ZNF708: variants seen among roughly 807,000 people sequenced by gnomAD.
The protein encoded by ZNF708 is ZNF15, ZNF15L1.
A neutral mutation model predicts 47.0 loss-of-function variants in ZNF708; 44 were observed. The observed-to-expected ratio is 0.94, with a 90% CI of 0.74 to 1.20. ZNF708 has a LOEUF of 1.20. ZNF708 is among the 50% of genes most tolerant of loss of function. The probability of loss-of-function intolerance (pLI) is 0.00; values close to 1 mark genes in which losing one functional copy is unlikely to be tolerated. For synonymous variants in ZNF708, 184 were observed against 218.5 expected (o/e 0.84, Z 1.39); for missense variants, 557 against 656.0 (o/e 0.85, Z 1.65).
At chr19:21,296,190 A>G (rs1292159618) in intron 3 of ZNF708, among the ~76,000 whole-genome samples, 1 of 151,970 alleles carries the variant, frequency 6.6e-6, no homozygotes, top group Admixed American at 6.6e-5. Flanking sequence ...AAAATCTGTC[A>G]AGTGAAAATA....
intron 1 of ZNF708, chr19:21,328,185 T>TA (rs72487226): frequency 0.018 from 2,732 of 152,200 alleles, 42 homozygotes; most frequent in African/African-American, 0.045. Context: ...CTGAGGAAGA[T>TA]AAAAAAAAAA....
chr19:21,304,245 G>A (rs1260373613), intron 3 of ZNF708, among the ~76,000 whole-genome samples: 6 of 151,610 alleles, frequency 4.0e-5, no homozygotes, highest in Non-Finnish European at 7.4e-5. Context: ...TAAGTGTGAG[G>A]TGAAGAAGCC....
intron 3 of ZNF708, among the ~76,000 whole-genome samples, chr19:21,298,204 G>A (rs1056098753): frequency 6.6e-6 from 1 of 151,562 alleles, no homozygotes; most frequent in African/African-American, 2.4e-5. Flanking sequence ...GGTATAGAGA[G>A]CTGAACATCA....
chr19:21,319,604 C>A (rs2145182477), intron 1 of ZNF708, among the ~76,000 whole-genome samples: 1 of 152,168 alleles, frequency 6.6e-6, no homozygotes, highest in Non-Finnish European at 1.5e-5. Context: ...GTATGAGCCA[C>A]CACGCCCAGC....
chr19:21,297,693 A>T (rs1429641662), intron 3 of ZNF708, among the ~76,000 whole-genome samples: 2 of 151,718 alleles, frequency 1.3e-5, no homozygotes, highest in Non-Finnish European at 2.9e-5. Flanking sequence ...GATTTATTAA[A>T]ATCTTTCAAA....
At chr19:21,321,290 G>T (rs974618562) in intron 1 of ZNF708, among the ~76,000 whole-genome samples, 2 of 151,726 alleles carry the variant, frequency 1.3e-5, no homozygotes, top group Non-Finnish European at 2.9e-5. Context: ...AGGGTGGAAG[G>T]TGGAAAAACA....
intron 1 of ZNF708, among the ~76,000 whole-genome samples, chr19:21,323,266 AT>A (rs967699357): frequency 7.2e-5 from 11 of 152,208 alleles, no homozygotes; most frequent in Non-Finnish European, 1.2e-4. Context: ...GACTCTGCAC[AT>A]TTTTTTTCTT....
In ZNF708 at chr19:21,294,301, T is replaced by A; in HGVS notation, c.665A>T (p.Lys222Ile). The change falls in exon 4 of 4, where the codon AAA becomes ATA. Residue 222 changes from lysine (K) to isoleucine (I), a missense_variant. By Grantham distance (102) the Lys-to-Ile change is moderately radical. Transcript: ENST00000356929. The part of the protein sequence containing the change: ...TNHKIIHTGE[K>I]PYKCEECGKA... ...TCCACATTCTTCACATTTGTAGGGT[T>A]TCTCTCCAGTATGAATTATCTTATG... is the stretch of plus-strand genomic sequence containing the variant. 6.2e-7 allele frequency: 1 copy of A among 1,613,196 alleles called. No individual in the cohort carries two copies. Among genetic ancestry groups the A allele is most frequent in the Non-Finnish European group, 8.5e-7 (1 of 1,179,844 alleles).
intron 3 of ZNF708, among the ~76,000 whole-genome samples, chr19:21,304,700 C>T (rs902640580): frequency 1.3e-5 from 2 of 152,008 alleles, no homozygotes; most frequent in Non-Finnish European, 2.9e-5. Flanking sequence ...CATAGTGAGA[C>T]CCTGTCGCTA....
intron 3 of ZNF708, among the ~76,000 whole-genome samples, chr19:21,305,651 C>T (rs1226892069): frequency 4.0e-5 from 6 of 151,586 alleles, no homozygotes; most frequent in East Asian, 1.9e-4. Flanking sequence ...TTAGTAGAGA[C>T]GGGATTTCAC....
At chr19:21,307,309 T>A (rs1207380075) in intron 3 of ZNF708, among the ~76,000 whole-genome samples, 1 of 151,980 alleles carries the variant, frequency 6.6e-6, no homozygotes, top group African/African-American at 2.4e-5. Context: ...CCAGAGGGCA[T>A]CCCAGAACCC....
rs1018389931 is a variant in ZNF708, at chr19:21,298,901, A to G, written c.227-4162T>C. On this transcript the variant is annotated intron_variant, in intron 3 of 3. Coordinates refer to ENST00000356929, the MANE Select transcript of ZNF708 (RefSeq NM_021269.3). ...CAGTTTGCAAACAGCAGAAAATATT[A>G]TAACAACTATAAAGATAAATCTTAA... 2.6e-5 allele frequency among the ~76,000 whole-genome samples: 4 copies of G among 152,350 alleles called. No homozygotes were observed. In the East Asian group the frequency reaches 7.7e-4, roughly 29 times the overall value.
chr19:21,296,950 T>C (rs530408055), intron 3 of ZNF708, among the ~76,000 whole-genome samples: 6 of 151,602 alleles, frequency 4.0e-5, no homozygotes, highest in African/African-American at 1.2e-4. Flanking sequence ...CTGGCCAACA[T>C]GGTGAAACCC....
Position 21,294,653 on chromosome 19 carries a change from T to C in ZNF708, c.313A>G (p.Lys105Glu). The change falls in exon 4 of 4, where the codon AAA (lysine) becomes GAA (glutamate). Residue 105 changes from lysine (K) to glutamate (E), a missense_variant. Coordinates refer to ENST00000356929, the MANE Select transcript of ZNF708 (RefSeq NM_021269.3). ...TTACAGCCTTTCTGATATCCACATTTTCCATATCTTCTCAGTATCACTTGT... is the reference window on the plus strand; with the variant it reads ...TTACAGCCTTTCTGATATCCACATTCTCCATATCTTCTCAGTATCACTTGT... ...FQQVILRRYG[K>E]CGYQKGCKSV... is the part of the protein sequence containing the mutation. 1 of 1,614,124 alleles carries C rather than the reference T, an allele frequency of 6.2e-7. No homozygotes were observed. Among genetic ancestry groups the C allele is most frequent in the East Asian group, 2.2e-5 (1 of 44,864 alleles).
chr19:21,306,986 AAC>A lies in ZNF708; in HGVS notation c.226+2258_226+2259del, dbSNP rs1972780590. The A allele has an allele frequency of 2.7e-5, 4 of 149,618 alleles. No homozygotes were observed. The South Asian group carries it at 8.4e-4, about 31-fold the overall frequency. 9.3% of individuals were successfully genotyped at this position (149,618 alleles called of 1,614,324 possible). A position where few individuals can be genotyped will look rare whatever the true frequency, so the allele number is the denominator to read the frequency against. ...AACATAACATAACATAACATAACATAACATAACATAACATAACATAACATAAA... is the reference window on the plus strand; with the variant it reads ...AACATAACATAACATAACATAACATAATAACATAACATAACATAACATAAA... On this transcript the variant is annotated intron_variant, in intron 3 of 3. Transcript: ENST00000356929.
At chr19:21,310,399 T>G in intron 2 of ZNF708, 102 bp downstream of exon 2, 1 of 455,024 alleles carries the variant, frequency 2.2e-6, no homozygotes, top group Non-Finnish European at 3.1e-6. Context: ...GAGCCAAGAT[T>G]GCGCCACTGC....
chr19:21,327,973 C>A (rs1372501889), intron 1 of ZNF708: 7 of 1,022,680 alleles, frequency 6.8e-6, no homozygotes, highest in Non-Finnish European at 8.2e-6. Flanking sequence ...AGGTTGTCCT[C>A]AGGGAGAAAA....
At chr19:21,296,291 A>G (rs1346070098) in intron 3 of ZNF708, among the ~76,000 whole-genome samples, 1 of 152,092 alleles carries the variant, frequency 6.6e-6, no homozygotes, top group African/African-American at 2.4e-5. Context: ...ACCTGAGGTC[A>G]GAAGTTCGAG....
intron 1 of ZNF708, among the ~76,000 whole-genome samples, chr19:21,325,953 T>C (rs1169721055): frequency 1.3e-5 from 2 of 151,954 alleles, no homozygotes; most frequent in Non-Finnish European, 2.9e-5. Flanking sequence ...CCAACAAACA[T>C]ATGAAAAAAT....
Sources: allele counts gnomAD v4.1 joint callset (sites outside exome capture counted in the v4.1 genomes callset), GRCh38; gene constraint gnomAD v4.1.1; transcripts MANE v1.5; gene names NCBI Gene and HGNC (gene_info 2026-07-23, HGNC 2026-07-21).